The following GALNT13 variants were observed in gnomAD, a reference collection of about 807,000 sequenced individuals.
GALNT13 encodes the protein UDP-GalNAc:polypeptide N-acetylgalactosaminyltransferase 13.
GALNT13 carries 28 observed loss-of-function variants against 64.2 expected under a neutral mutation model. That is an observed-to-expected ratio of 0.44 (90% confidence interval 0.32 to 0.60). The LOEUF (loss-of-function observed/expected upper bound fraction) is 0.60, where lower values mean the gene tolerates loss of function less well. Among genes scored for constraint, GALNT13 ranks in the 20% least tolerant of loss-of-function variants. GALNT13 has a pLI of 0.05. For synonymous variants in GALNT13, 214 were observed against 224.6 expected, an observed-to-expected ratio of 0.95 and a Z score of 0.42; for missense variants, 577 against 669.8, an observed-to-expected ratio of 0.86 and a Z score of 1.53.
At chr2:153,294,796 T>G in the GALNT13 span, among the ~76,000 whole-genome samples, 2 of 152,178 alleles carry the variant, frequency 1.3e-5, no homozygotes, top group Non-Finnish European at 2.9e-5. Context: ...ATCATCCCTT[T>G]TGCCTCAGAG....
At chr2:154,395,001 A>G (rs555329808) in intron 9 of GALNT13, among the ~76,000 whole-genome samples, 279 of 152,290 alleles carry the variant, frequency 1.8e-3, no homozygotes, top group African/African-American at 6.5e-3. Flanking sequence ...AGACATTTAG[A>G]TTGTCTAAAC....
chr2:153,341,896 G>A, the GALNT13 span, among the ~76,000 whole-genome samples: 1,808 of 152,220 alleles, frequency 0.012, 22 homozygotes, highest in Non-Finnish European at 0.018. Context: ...GTGGTGGGGA[G>A]CACTTTGTTC....
the GALNT13 span, among the ~76,000 whole-genome samples, chr2:153,150,691 G>A: frequency 6.6e-6 from 1 of 152,006 alleles, no homozygotes; most frequent in Non-Finnish European, 1.5e-5. Flanking sequence ...TTCTACATAT[G>A]GCTAGCCAGT....
At chr2:153,096,138 A>G in the GALNT13 span, among the ~76,000 whole-genome samples, 1 of 152,134 alleles carries the variant, frequency 6.6e-6, no homozygotes, top group Non-Finnish European at 1.5e-5. Flanking sequence ...TCTTTCAGAA[A>G]CATATTGTTT....
the GALNT13 span, among the ~76,000 whole-genome samples, chr2:153,703,956 CTA>C: frequency 9.9e-5 from 15 of 152,006 alleles, no homozygotes; most frequent in South Asian, 2.1e-4. Flanking sequence ...ATGAAAATTT[CTA>C]TGTTTCTAAT....
the GALNT13 span, among the ~76,000 whole-genome samples, chr2:153,718,910 A>G: frequency 1.3e-5 from 2 of 152,154 alleles, no homozygotes; most frequent in Admixed American, 6.5e-5. Flanking sequence ...TTTACACTAC[A>G]TGTCTAATTA....
At chr2:153,166,620 CATGTGTGT>C in the GALNT13 span, among the ~76,000 whole-genome samples, 2 of 72,664 alleles carry the variant, frequency 2.8e-5, no homozygotes, top group East Asian at 6.6e-4. Flanking sequence ...TTGCCTACTG[CATGTGTGT>C]GTGTGTGTGT....
chr2:153,827,095 C>T, the GALNT13 span, among the ~76,000 whole-genome samples: 2 of 151,892 alleles, frequency 1.3e-5, no homozygotes, highest in Non-Finnish European at 2.9e-5. Flanking sequence ...ATTGTAGAGG[C>T]CTTACAATCA....
intron 1 of GALNT13, among the ~76,000 whole-genome samples, chr2:153,894,417 G>A (rs1687758482): frequency 6.6e-6 from 1 of 152,076 alleles, no homozygotes; most frequent in Non-Finnish European, 1.5e-5. Context: ...GAGAGGTTAT[G>A]TTTAAATATT....
At chr2:154,065,370 C>A (rs1700406848) in intron 3 of GALNT13, among the ~76,000 whole-genome samples, 1 of 152,120 alleles carries the variant, frequency 6.6e-6, no homozygotes, top group Non-Finnish European at 1.5e-5. Context: ...ATCCTTTGGA[C>A]CTTGAGCAAA....
the GALNT13 span, among the ~76,000 whole-genome samples, chr2:153,511,299 G>T: frequency 1.3e-5 from 2 of 151,890 alleles, no homozygotes; most frequent in Non-Finnish European, 2.9e-5. Flanking sequence ...AAAAGGGGCG[G>T]GGGTTGGCTA....
the GALNT13 span, chr2:153,423,449 A>G: frequency 6.6e-6 from 1 of 151,936 alleles, no homozygotes; most frequent in African/African-American, 2.4e-5. Context: ...TAAATCGAGA[A>G]CAAGGCCTCA....
At chr2:154,066,805 T>C (rs1465398720) in intron 3 of GALNT13, among the ~76,000 whole-genome samples, 1 of 152,088 alleles carries the variant, frequency 6.6e-6, no homozygotes, top group Non-Finnish European at 1.5e-5. Flanking sequence ...TAAAACTCAC[T>C]GGTAATAGTA....
At chr2:153,719,520 G>T in the GALNT13 span, among the ~76,000 whole-genome samples, 1 of 152,264 alleles carries the variant, frequency 6.6e-6, no homozygotes, top group African/African-American at 2.4e-5. Context: ...CGCAGAAGAC[G>T]GGTGATTTCT....
At chr2:154,097,336 G>A (rs1178959291) in intron 3 of GALNT13, among the ~76,000 whole-genome samples, 1 of 151,968 alleles carries the variant, frequency 6.6e-6, no homozygotes, top group African/African-American at 2.4e-5. Flanking sequence ...CTAAATATCA[G>A]AAATGCTATT....
the GALNT13 span, among the ~76,000 whole-genome samples, chr2:153,331,361 C>A: frequency 6.6e-6 from 1 of 151,830 alleles, no homozygotes; most frequent in South Asian, 2.1e-4. Context: ...CCTGTGAGTT[C>A]ATCTGGTCTG....
At chr2:153,539,556 A>G in the GALNT13 span, among the ~76,000 whole-genome samples, 1 of 151,716 alleles carries the variant, frequency 6.6e-6, no homozygotes, top group Non-Finnish European at 1.5e-5. Context: ...ATCCATCTTG[A>G]ATTGATTTTT....
the GALNT13 span, among the ~76,000 whole-genome samples, chr2:153,633,101 G>T: frequency 6.6e-6 from 1 of 152,026 alleles, no homozygotes; most frequent in Non-Finnish European, 1.5e-5. Flanking sequence ...TCGCTGCATG[G>T]TATACCATAG....
At chr2:153,637,355 G>A in the GALNT13 span, among the ~76,000 whole-genome samples, 1 of 152,112 alleles carries the variant, frequency 6.6e-6, no homozygotes, top group Admixed American at 6.6e-5. Flanking sequence ...ACCTCAGGGT[G>A]AATCCAAAAG....
Sources: gnomAD v4.1 joint callset for allele counts (sites outside exome capture counted in the v4.1 genomes callset) on GRCh38, gnomAD v4.1.1 for gene constraint, MANE v1.5 for transcripts, NCBI Gene and HGNC (gene_info 2026-07-23, HGNC 2026-07-21) for gene names.